The following CACNB4 variants were observed in gnomAD, a reference collection of about 807,000 sequenced individuals.
CACNB4 encodes the protein voltage-dependent L-type calcium channel subunit beta-4.
A neutral mutation model predicts 71.2 loss-of-function variants in CACNB4; 32 were observed. The ratio of observed to expected loss-of-function variants is 0.45; its 90% CI spans 0.34 to 0.60. The LOEUF (loss-of-function observed/expected upper bound fraction) is 0.60, where lower values mean the gene tolerates loss of function less well. Ranked by LOEUF, CACNB4 falls within the 20% of genes least tolerant of loss-of-function variation. The pLI is 0.01. For missense variants in CACNB4, 464 were observed against 647.9 expected, an observed-to-expected ratio of 0.72 and a Z score of 3.08; for synonymous variants, 231 against 236.9, an observed-to-expected ratio of 0.97 and a Z score of 0.23.
chr2:151,929,029 C>T (rs1026034543), intron 2 of CACNB4, among the ~76,000 whole-genome samples: 1 of 152,094 alleles, frequency 6.6e-6, no homozygotes, highest in Non-Finnish European at 1.5e-5. Flanking sequence ...GTCTCTAACT[C>T]GTGGAGATTC....
At chr2:151,969,157 T>TGAGA (rs1163125142) in intron 2 of CACNB4, 1 of 152,224 alleles carries the variant, frequency 6.6e-6, no homozygotes, top group Non-Finnish European at 1.5e-5. Flanking sequence ...ACATTTGGTT[T>TGAGA]TCTTCTGTGG....
intron 2 of CACNB4, among the ~76,000 whole-genome samples, chr2:152,077,066 C>G (rs780783161): frequency 2.6e-5 from 4 of 152,162 alleles, no homozygotes; most frequent in Non-Finnish European, 4.4e-5. Flanking sequence ...CAGGAAGGAG[C>G]ATTCCAGAAG....
intron 2 of CACNB4, among the ~76,000 whole-genome samples, chr2:152,035,779 A>G (rs1298254867): frequency 6.6e-6 from 1 of 152,062 alleles, no homozygotes; most frequent in Non-Finnish European, 1.5e-5. Flanking sequence ...TTACCCCTCA[A>G]GCATTTGAGT....
chr2:152,001,788 C>G (rs1160490696), intron 2 of CACNB4, among the ~76,000 whole-genome samples: 1 of 151,278 alleles, frequency 6.6e-6, no homozygotes, highest in Admixed American at 6.6e-5. Flanking sequence ...TTACATGAGT[C>G]TGGGATGTCA....
intron 2 of CACNB4, among the ~76,000 whole-genome samples, chr2:151,921,138 A>AAAAT (rs70974809): frequency 0.065 from 8,937 of 137,476 alleles, 663 homozygotes; most frequent in African/African-American, 0.17. Context: ...CTCCGTCTCA[A>AAAAT]AAATAAATAA....
chr2:151,853,817 A>G, intron 11 of CACNB4: 2 of 303,650 alleles, frequency 6.6e-6, no homozygotes, highest in Non-Finnish European at 1.2e-5. Context: ...TTTCAAAGAG[A>G]GACCTGTAAA....
intron 2 of CACNB4, among the ~76,000 whole-genome samples, chr2:152,041,953 A>G (rs1464350373): frequency 1.3e-5 from 2 of 152,196 alleles, no homozygotes; most frequent in Non-Finnish European, 2.9e-5. Context: ...CACTTGGAAT[A>G]ATGCCCAGCA....
chr2:152,030,500 T>A (rs988028655), intron 2 of CACNB4, among the ~76,000 whole-genome samples: 4 of 152,278 alleles, frequency 2.6e-5, no homozygotes, highest in African/African-American at 9.6e-5. Context: ...AGGGTACATG[T>A]GCACAACGTG....
intron 2 of CACNB4, among the ~76,000 whole-genome samples, chr2:152,070,547 A>G (rs1264110570): frequency 6.6e-6 from 1 of 152,114 alleles, no homozygotes; most frequent in African/African-American, 2.4e-5. Flanking sequence ...CCACACAAGA[A>G]GAAGACAGGC....
At chr2:151,883,444 G>A in intron 2 of CACNB4, 74 bp from the exon 3 acceptor site, 1 of 1,512,858 alleles carries the variant, frequency 6.6e-7, no homozygotes, top group Middle Eastern at 1.7e-4. Flanking sequence ...AGTATCCTGG[G>A]GCGAGTTCTT....
At chr2:151,974,044 C>A in intron 2 of CACNB4, 1 of 1,000,904 alleles carries the variant, frequency 1.0e-6, no homozygotes. Flanking sequence ...AGCGTTCCCT[C>A]GGAGAGTGGA....
At chr2:151,935,721 C>A (rs1018127085) in intron 2 of CACNB4, among the ~76,000 whole-genome samples, 13 of 152,328 alleles carry the variant, frequency 8.5e-5, no homozygotes, top group African/African-American at 3.1e-4. Flanking sequence ...ATTATCAAAA[C>A]ATGCAATGTC....
At chr2:151,978,194 G>GAC (rs60541596) in intron 2 of CACNB4, among the ~76,000 whole-genome samples, 152,374 of 152,374 alleles carry the variant, frequency 1, 76,187 homozygotes, top group Non-Finnish European at 1. Context: ...GCGGAGCTCA[G>GAC]CTTACCAACT....
chr2:151,985,361 T>A (rs944129191), intron 2 of CACNB4, among the ~76,000 whole-genome samples: 2 of 152,218 alleles, frequency 1.3e-5, no homozygotes, highest in African/African-American at 4.8e-5. Flanking sequence ...CATATAGATG[T>A]CCTATGCAGT....
At chr2:152,052,554 A>G (rs1261317114) in intron 2 of CACNB4, among the ~76,000 whole-genome samples, 1 of 152,136 alleles carries the variant, frequency 6.6e-6, no homozygotes, top group Non-Finnish European at 1.5e-5. Context: ...TCGGCCTTCC[A>G]CAGTGCTGGG....
chr2:151,868,771 GAC>G (rs58785929), intron 9 of CACNB4: 15,068 of 148,492 alleles, frequency 0.1, 1,373 homozygotes, highest in African/African-American at 0.25. Flanking sequence ...GCTTTCATAT[GAC>G]ACACACACAC....
chr2:151,921,422 T>C (rs1404761806), intron 2 of CACNB4, among the ~76,000 whole-genome samples: 1 of 152,180 alleles, frequency 6.6e-6, no homozygotes, highest in Non-Finnish European at 1.5e-5. Flanking sequence ...TACTTACCTA[T>C]TGCTGCTGTA....
chr2:151,975,870 T>G (rs1191586283), intron 2 of CACNB4, among the ~76,000 whole-genome samples: 2 of 152,214 alleles, frequency 1.3e-5, no homozygotes, highest in African/African-American at 4.8e-5. Flanking sequence ...TCCCCGATTG[T>G]GTTAAAATGG....
chr2:152,095,777 G>A (rs1216246268), intron 2 of CACNB4, among the ~76,000 whole-genome samples: 1 of 152,006 alleles, frequency 6.6e-6, no homozygotes, highest in Non-Finnish European at 1.5e-5. Context: ...TCAGCCTCCC[G>A]AGTAGCTGGG....
Sources: allele counts gnomAD v4.1 joint callset (sites outside exome capture counted in the v4.1 genomes callset), GRCh38; gene constraint gnomAD v4.1.1; transcripts MANE v1.5; gene names NCBI Gene and HGNC (gene_info 2026-07-23, HGNC 2026-07-21).